The following TRPM6 variants were observed in gnomAD, a reference collection of about 807,000 sequenced individuals.
TRPM6 encodes the protein channel kinase 2.
In TRPM6, 111 loss-of-function variants were observed where a neutral mutation model predicts 247.6. The observed-to-expected ratio is 0.45, with a 90% confidence interval of 0.38 to 0.52. TRPM6 has a LOEUF of 0.52. Among genes scored for constraint, TRPM6 ranks in the 20% least tolerant of loss-of-function variants. The probability of loss-of-function intolerance (pLI) is 0.00; values close to 1 mark genes in which losing one functional copy is unlikely to be tolerated. For missense variants in TRPM6, 2,126 were observed against 2,421.5 expected, an observed-to-expected ratio of 0.88 and a Z score of 2.56; for synonymous variants, 892 against 853.8, an observed-to-expected ratio of 1.04 and a Z score of -0.78.
intron 11 of TRPM6, 150 bp downstream of exon 11, chr9:74,816,519 G>T: frequency 1.7e-6 from 1 of 596,782 alleles, no homozygotes; most frequent in Non-Finnish European, 2.9e-6. Context: ...CAAAGTCGAT[G>T]GGAAAAGTGT....
At chr9:74,816,810 A>C (rs761003663) in intron 10 of TRPM6, 41 bp from the exon 11 acceptor site, 3 of 1,610,974 alleles carry the variant, frequency 1.9e-6, no homozygotes, top group Non-Finnish European at 2.5e-6. Context: ...TCTTTTCAAG[A>C]TATCTACGCA....
At chr9:74,783,256 A>G (rs1827526610) in intron 21 of TRPM6, among the ~76,000 whole-genome samples, 1 of 152,174 alleles carries the variant, frequency 6.6e-6, no homozygotes, top group African/African-American at 2.4e-5. Flanking sequence ...GTCTTCAGGA[A>G]TTGATTAGAG....
chr9:74,821,600 A>G, intron 8 of TRPM6, 69 bp downstream of exon 8: 1 of 1,566,546 alleles, frequency 6.4e-7, no homozygotes, highest in Non-Finnish European at 8.8e-7. Flanking sequence ...ATAAATGCAC[A>G]GCCAAAAGAA....
rs779730158 is a variant in TRPM6 at position 74,732,711 on chromosome 9, T to C, written c.5802A>G (p.Pro1934=). Residue 1934 remains proline (P), a synonymous_variant, in exon 37 of 39, where the codon CCA becomes CCG. Transcript: ENST00000360774. ...LQGVGENLTD[P]SVIKPEVKQS... is the part of the protein sequence containing the mutation. ...GTTTGACTTCAGGTTTTATAACAGA[T>C]GGATCTGTCAAATTTTCTCCAACAC... The C allele has an allele frequency of 8.1e-6, 13 of 1,609,458 alleles. No homozygotes were observed. The highest frequency in any genetic ancestry group is 1.1e-5 in the Non-Finnish European group (13 of 1,177,784).
intron 5 of TRPM6, among the ~76,000 whole-genome samples, 149 bp downstream of exon 5, chr9:74,839,855 GAGGAAGGAAGGAAGGAAGGA>G: frequency 1.4e-5 from 1 of 72,560 alleles, no homozygotes; most frequent in Middle Eastern, 8.2e-3. Context: ...AGAAGAGAGA[GAGGAAGGAAGGAAGGAAGGA>G]AGGAAGGAAG....
intron 11 of TRPM6, 136 bp downstream of exon 11, chr9:74,816,533 A>G: frequency 1.5e-6 from 1 of 646,324 alleles, no homozygotes; most frequent in Non-Finnish European, 2.7e-6. Flanking sequence ...AAAGTGTCTT[A>G]GCTATCCCAG....
chr9:74,808,777 T>C (rs1287078592), intron 13 of TRPM6, among the ~76,000 whole-genome samples: 1 of 152,190 alleles, frequency 6.6e-6, no homozygotes, highest in Admixed American at 6.5e-5. Context: ...GTAGAACAAA[T>C]GAAAACAAGG....
intron 19 of TRPM6, among the ~76,000 whole-genome samples, chr9:74,789,795 A>G (rs867995806): frequency 2.6e-4 from 39 of 152,036 alleles, no homozygotes; most frequent in African/African-American, 8.9e-4. Context: ...CCCCGTCTCT[A>G]CTAAAAATAC....
intron 5 of TRPM6, among the ~76,000 whole-genome samples, chr9:74,834,470 T>TATTATC (rs1829651592): frequency 6.6e-6 from 1 of 151,762 alleles, no homozygotes; most frequent in African/African-American, 2.4e-5. Context: ...TTATTATTAT[T>TATTATC]ATTATTATTA....
At chr9:74,724,874 G>A (rs914482804) in intron 38 of TRPM6, 128 bp from the exon 39 acceptor site, 4 of 1,231,484 alleles carry the variant, frequency 3.2e-6, no homozygotes, top group Admixed American at 1.9e-5. Context: ...ATAGATATGT[G>A]GAACTCAAAC....
intron 17 of TRPM6, among the ~76,000 whole-genome samples, chr9:74,798,187 T>C (rs1828167341): frequency 6.6e-6 from 1 of 152,098 alleles, no homozygotes. Flanking sequence ...TATTCAGTGA[T>C]GAAAAAGAAG....
Position 74,786,269 on chromosome 9 carries a change from T to C in TRPM6, c.2668-144A>G. On this transcript the variant is annotated intron_variant, in intron 20 of 38. Transcript: ENST00000360774. ...TAAATCACTTGCGGATTTCAGAGAC[T>C]TAAGTTATCATCAGTAATGAATTAT... 4.9e-6 allele frequency: 4 copies of C among 821,814 alleles called. No individual in the cohort carries two copies. In the South Asian group the frequency reaches 6.4e-5, roughly 13 times the overall value. 50.9% of individuals were successfully genotyped at this position (821,814 alleles called of 1,614,324 possible).
Position 74,785,061 on chromosome 9 carries a change from C to T in TRPM6, c.2919+813G>A, listed in dbSNP as rs145017852. 1.9e-3 allele frequency among the ~76,000 whole-genome samples: 286 copies of T among 152,112 alleles called. 2 individuals are homozygous for T. Among genetic ancestry groups the T allele is most frequent in the Non-Finnish European group, 3.2e-3 (221 of 68,002 alleles). On this transcript the variant is annotated intron_variant, in intron 21 of 38. Transcript: ENST00000360774. Reference sequence around the variant, plus strand: ...GGGTGAGGGTGCAGTGAGCCGTGATCGCACCACTGCACTCCAGCCTAGGTG... The same window carrying T: ...GGGTGAGGGTGCAGTGAGCCGTGATTGCACCACTGCACTCCAGCCTAGGTG...
At chr9:74,833,957 C>T (rs747643604) in intron 6 of TRPM6, 41 bp downstream of exon 6, 31 of 1,611,698 alleles carry the variant, frequency 1.9e-5, no homozygotes, top group East Asian at 6.7e-5. Context: ...AATTTGCACA[C>T]GTGTTCGTTT....
chr9:74,828,744 T>G (rs960753586), intron 6 of TRPM6, among the ~76,000 whole-genome samples: 2 of 151,892 alleles, frequency 1.3e-5, no homozygotes, highest in African/African-American at 4.8e-5. Context: ...TTCTCCTGCT[T>G]CAGCCTCCCG....
intron 38 of TRPM6, among the ~76,000 whole-genome samples, chr9:74,726,301 A>G (rs1402075638): frequency 1.3e-5 from 2 of 152,106 alleles, no homozygotes; most frequent in African/African-American, 2.4e-5. Context: ...CCTGAGGTCA[A>G]GAGTTCGAGA....
intron 35 of TRPM6, among the ~76,000 whole-genome samples, chr9:74,739,035 G>C (rs1359081584): frequency 6.6e-6 from 1 of 152,184 alleles, no homozygotes; most frequent in Non-Finnish European, 1.5e-5. Flanking sequence ...TGGGGGAAGA[G>C]ACCATGCTTA....
intron 5 of TRPM6, among the ~76,000 whole-genome samples, chr9:74,836,301 C>T (rs1829719051): frequency 6.6e-6 from 1 of 152,178 alleles, no homozygotes; most frequent in South Asian, 2.1e-4. Context: ...TCCTATTCTT[C>T]CTATGTGTGG....
At chr9:74,761,578 C>T (rs535063009) in intron 27 of TRPM6, 118 bp downstream of exon 27, 1 of 738,588 alleles carries the variant, frequency 1.4e-6, no homozygotes, top group Admixed American at 2.0e-5. Flanking sequence ...TATCTTCAAT[C>T]CTTTCAACAC....
Sources: allele counts gnomAD v4.1 joint callset (sites outside exome capture counted in the v4.1 genomes callset), GRCh38; gene constraint gnomAD v4.1.1; transcripts MANE v1.5; gene names NCBI Gene and HGNC (gene_info 2026-07-23, HGNC 2026-07-21).